Variants in HSD17B12 observed in about 807,000 individuals in gnomAD.
The protein encoded by HSD17B12 is hydroxysteroid 17-beta dehydrogenase 12.
In HSD17B12, 32 loss-of-function variants were observed where a neutral mutation model predicts 39.3. The observed-to-expected ratio is 0.81, with a 90% CI of 0.61 to 1.09. The LOEUF is 1.09. Ranked by LOEUF, HSD17B12 falls within the 50% of genes least tolerant of loss-of-function variation. The pLI is 0.00. For missense variants in HSD17B12, 342 were observed against 382.9 expected (o/e 0.89, Z 0.89); for synonymous variants, 150 against 146.7 (o/e 1.02, Z -0.16).
At chr11:43,846,749 A>G (rs891713826) in intron 9 of HSD17B12, among the ~76,000 whole-genome samples, 9 of 152,202 alleles carry the variant, frequency 5.9e-5, no homozygotes, top group African/African-American at 2.2e-4. Context: ...TATTTATTAG[A>G]CCCTTGGCTA....
intron 4 of HSD17B12, among the ~76,000 whole-genome samples, chr11:43,805,847 A>G (rs749958138): frequency 1.8e-4 from 27 of 152,278 alleles, no homozygotes; most frequent in African/African-American, 2.6e-4. Context: ...TCTTCAGACC[A>G]TCTACACTTT....
intron 9 of HSD17B12, chr11:43,852,917 G>A (rs1951545712): frequency 1.3e-5 from 2 of 152,174 alleles, no homozygotes; most frequent in South Asian, 4.1e-4. Flanking sequence ...GAGAGTGACA[G>A]CACTCCATCT....
At chr11:43,591,586 G>A in the HSD17B12 span, among the ~76,000 whole-genome samples, 1 of 152,046 alleles carries the variant, frequency 6.6e-6, no homozygotes, top group South Asian at 2.1e-4. Flanking sequence ...ATTCTGAAAG[G>A]AAAATCTTTT....
chr11:43,699,822 TA>T (rs1259227267), intron 1 of HSD17B12, among the ~76,000 whole-genome samples: 1 of 152,204 alleles, frequency 6.6e-6, no homozygotes, highest in Admixed American at 6.5e-5. Flanking sequence ...AAGATTTGAA[TA>T]GACATTTCTC....
At chr11:43,628,487 T>C in the HSD17B12 span, among the ~76,000 whole-genome samples, 1 of 152,088 alleles carries the variant, frequency 6.6e-6, no homozygotes. Context: ...AAAAACATTG[T>C]GTACTAATAC....
chr11:43,565,638 T>G, the HSD17B12 span, among the ~76,000 whole-genome samples: 3 of 152,214 alleles, frequency 2.0e-5, no homozygotes, highest in Admixed American at 1.3e-4. Context: ...CCTAAAGAAT[T>G]CTACTCTTAA....
intron 1 of HSD17B12, among the ~76,000 whole-genome samples, chr11:43,722,327 A>G (rs930551716): frequency 1.6e-4 from 24 of 152,186 alleles, no homozygotes; most frequent in African/African-American, 5.8e-4. Flanking sequence ...AGACTTTGCC[A>G]TTACTTGGAT....
At chr11:43,649,707 T>A in the HSD17B12 span, among the ~76,000 whole-genome samples, 1 of 152,256 alleles carries the variant, frequency 6.6e-6, no homozygotes, top group Non-Finnish European at 1.5e-5. Context: ...TCTTTTCACT[T>A]CCTTGAATCT....
At chr11:43,579,669 C>T in the HSD17B12 span, among the ~76,000 whole-genome samples, 1 of 152,050 alleles carries the variant, frequency 6.6e-6, no homozygotes, top group East Asian at 1.9e-4. Flanking sequence ...CCCTCTGGCG[C>T]GGCGGGCGCG....
intron 1 of HSD17B12, among the ~76,000 whole-genome samples, chr11:43,690,122 C>T (rs891684590): frequency 1.3e-5 from 2 of 151,578 alleles, no homozygotes. Flanking sequence ...AGTCGTTTCT[C>T]CCTCACTCCC....
chr11:43,597,445 C>A, the HSD17B12 span, among the ~76,000 whole-genome samples: 1 of 152,132 alleles, frequency 6.6e-6, no homozygotes, highest in African/African-American at 2.4e-5. Context: ...AAGTTGAATG[C>A]TGAACGAAGG....
chr11:43,619,411 T>G, the HSD17B12 span, among the ~76,000 whole-genome samples: 1 of 145,240 alleles, frequency 6.9e-6, no homozygotes, highest in South Asian at 2.2e-4. Flanking sequence ...TTTTTTGAGA[T>G]GGAGTCTCCT....
At chr11:43,814,292 C>A (rs1164645337) in intron 4 of HSD17B12, among the ~76,000 whole-genome samples, 1 of 151,896 alleles carries the variant, frequency 6.6e-6, no homozygotes, top group Non-Finnish European at 1.5e-5. Flanking sequence ...TATCACCGGG[C>A]AATTTTTTTA....
chr11:43,683,651 A>G (rs1378466413), intron 1 of HSD17B12, among the ~76,000 whole-genome samples: 1 of 152,198 alleles, frequency 6.6e-6, no homozygotes, highest in Non-Finnish European at 1.5e-5. Flanking sequence ...AAATAGTACT[A>G]GTAAGTTTTT....
chr11:43,728,475 G>T (rs1950240744), intron 1 of HSD17B12, among the ~76,000 whole-genome samples: 1 of 151,140 alleles, frequency 6.6e-6, no homozygotes, highest in Non-Finnish European at 1.5e-5. Flanking sequence ...ATCCAGCTAA[G>T]TAAAAAAAAA....
chr11:43,715,845 C>G (rs1437270052), intron 1 of HSD17B12, among the ~76,000 whole-genome samples: 2 of 152,072 alleles, frequency 1.3e-5, no homozygotes, highest in African/African-American at 4.8e-5. Context: ...AAATTAATAG[C>G]AATGTGTATC....
intron 1 of HSD17B12, among the ~76,000 whole-genome samples, chr11:43,707,955 A>G (rs2134827541): frequency 6.6e-6 from 1 of 152,066 alleles, no homozygotes; most frequent in East Asian, 1.9e-4. Flanking sequence ...CAGGTGAGGG[A>G]TTTTTCCTGG....
chr11:43,834,650 G>C (rs1359765003), intron 7 of HSD17B12, among the ~76,000 whole-genome samples: 3 of 152,168 alleles, frequency 2.0e-5, no homozygotes, highest in Admixed American at 6.5e-5. Flanking sequence ...TAAAATAAAG[G>C]CTTGGCAATT....
chr11:43,785,846 G>A (rs1950811177), intron 3 of HSD17B12, among the ~76,000 whole-genome samples: 1 of 152,144 alleles, frequency 6.6e-6, no homozygotes, highest in Non-Finnish European at 1.5e-5. Context: ...GTAACTTTAT[G>A]CATTGATCAC....
Sources: allele counts gnomAD v4.1 joint callset (sites outside exome capture counted in the v4.1 genomes callset), GRCh38; gene constraint gnomAD v4.1.1; transcripts MANE v1.5; gene names NCBI Gene and HGNC (gene_info 2026-07-23, HGNC 2026-07-21).